NF1: variants seen among roughly 807,000 people sequenced by gnomAD.
The protein encoded by NF1 is neurofibromin 1.
A neutral mutation model predicts 325.7 loss-of-function variants in NF1; 122 were observed. The observed-to-expected ratio is 0.37, with a 90% CI of 0.32 to 0.44. The LOEUF is 0.44. Among genes scored for constraint, NF1 ranks in the 20% least tolerant of loss-of-function variants. The probability of loss-of-function intolerance (pLI) is 1.00; values close to 1 mark genes in which losing one functional copy is unlikely to be tolerated. For synonymous variants in NF1, 1,091 were observed against 1,186.0 expected (o/e 0.92, Z 1.65); for missense variants, 2,140 against 3,415.4 (o/e 0.63, Z 9.31).
chr17:31,257,546 C>T (rs1369796291), intron 31 of NF1: 2 of 151,934 alleles, frequency 1.3e-5, no homozygotes, highest in African/African-American at 2.4e-5. Flanking sequence ...GGAAAATCAT[C>T]CATTTTAAAT....
intron 36 of NF1, among the ~76,000 whole-genome samples, chr17:31,282,878 C>T (rs965209001): frequency 6.6e-6 from 1 of 152,062 alleles, no homozygotes; most frequent in African/African-American, 2.4e-5. Flanking sequence ...ACATTGCTAC[C>T]AGCAGTGAAT....
intron 35 of NF1, among the ~76,000 whole-genome samples, chr17:31,264,578 A>G (rs548965356): frequency 6.6e-6 from 1 of 152,296 alleles, no homozygotes; most frequent in East Asian, 1.9e-4. Context: ...CTAGAAACTG[A>G]GCTCAGTGAG....
At chr17:31,193,314 A>G (rs1226545238) in intron 8 of NF1, among the ~76,000 whole-genome samples, 2 of 152,158 alleles carry the variant, frequency 1.3e-5, no homozygotes, top group African/African-American at 4.8e-5. Context: ...TAACTGCTGT[A>G]TGGTGTTCCC....
At chr17:31,373,199 G>A (rs763240239) in intron 57 of NF1, among the ~76,000 whole-genome samples, 1 of 152,114 alleles carries the variant, frequency 6.6e-6, no homozygotes, top group African/African-American at 2.4e-5. Context: ...GTTTCTTTGG[G>A]ATAGGCACTG....
intron 11 of NF1, among the ~76,000 whole-genome samples, chr17:31,203,220 G>A (rs940193316): frequency 6.6e-6 from 1 of 152,098 alleles, no homozygotes; most frequent in Non-Finnish European, 1.5e-5. Context: ...GAAAGTGGCT[G>A]TGCATCCTCT....
rs878967255 is a variant in NF1 at position 31,095,073 on chromosome 17, C to T, written c.-237C>T. ...CGACCAAGAGGCCCCCTCCCCTCCC[C>T]GGGTCCCCTTCCCCTATCCCCCTCC... On this transcript the variant is annotated 5_prime_UTR_variant, in exon 1 of 58. Coordinates refer to ENST00000358273, the MANE Select transcript of NF1 (RefSeq NM_001042492.3). 2.1e-4 allele frequency: 93 copies of T among 452,892 alleles called. No individual in the cohort carries two copies. The highest frequency in any genetic ancestry group is 1.6e-3 in the South Asian group (32 of 20,142). The allele number at this position is 452,892 out of a possible 1,614,324, so 28.1% of individuals were successfully genotyped here.
rs587778551 is a variant in NF1, at chr17:31,232,800, G to A, written c.3415G>A (p.Ala1139Thr). ...GRKRGMSRRL[A>T]SLRHCTVLAM... is the part of the protein sequence containing the mutation. ...GAAACGTGGCATGTCTCGGAGGCTGGCATCACTGAGGCACTGTACGGTCCT... is the reference window on the plus strand; with the variant it reads ...GAAACGTGGCATGTCTCGGAGGCTGACATCACTGAGGCACTGTACGGTCCT... Residue 1139 changes from alanine (A) to threonine (T), a missense_variant, in exon 26 of 58, where the codon GCA (alanine) becomes ACA (threonine). Around this residue, in one of 10 missense-constraint regions of NF1, gnomAD observed 380 missense variants for 639.3 expected, o/e 0.59. Coordinates refer to ENST00000358273, the MANE Select transcript of NF1 (RefSeq NM_001042492.3). 2 of 1,614,064 alleles carry A rather than the reference G, an allele frequency of 1.2e-6. No individual in the cohort carries two copies. The highest frequency in any genetic ancestry group is 8.5e-7 in the Non-Finnish European group (1 of 1,180,012).
chr17:31,193,029 T>A lies in NF1; in HGVS notation c.889-7393T>A, dbSNP rs2066374167. 2.0e-5 allele frequency among the ~76,000 whole-genome samples: 3 copies of A among 152,180 alleles called. No individual in the cohort carries two copies. The South Asian group carries it at 6.2e-4, about 31-fold the overall frequency. On this transcript the variant is annotated intron_variant, in intron 8 of 57. Transcript: ENST00000358273. ...TTTTTTCTTTCCCAGGGACAGCCAC[T>A]GCAAAGGGTTAAATGTATATTCTTC... is the stretch of plus-strand genomic sequence containing the variant.
chr17:31,225,830 C>T (rs887271233), intron 17 of NF1, among the ~76,000 whole-genome samples: 4 of 152,250 alleles, frequency 2.6e-5, no homozygotes, highest in African/African-American at 9.6e-5. Flanking sequence ...AACACCTAAG[C>T]AGTATGATAT....
At chr17:31,285,007 T>C (rs1320402736) in intron 36 of NF1, among the ~76,000 whole-genome samples, 2 of 151,156 alleles carry the variant, frequency 1.3e-5, no homozygotes, top group Non-Finnish European at 2.9e-5. Flanking sequence ...TAATTCCAGC[T>C]ACTCAGGAGG....
chr17:31,145,340 G>A (rs1201745242), intron 1 of NF1, among the ~76,000 whole-genome samples: 1 of 152,130 alleles, frequency 6.6e-6, no homozygotes, highest in Non-Finnish European at 1.5e-5. Context: ...CTGCACGCAT[G>A]TACCACCATG....
In NF1 at chr17:31,328,532, G is replaced by A. The variant is rs556423325; in HGVS notation, c.5609+693G>A. Among the ~76,000 whole-genome samples, 5 of 152,264 alleles carry A rather than the reference G, an allele frequency of 3.3e-5. No homozygotes were observed. The South Asian group carries it at 1.0e-3, about 32-fold the overall frequency. On this transcript the variant is annotated intron_variant, in intron 38 of 57. Coordinates refer to ENST00000358273, the MANE Select transcript of NF1 (RefSeq NM_001042492.3). ...CCCACAAAAGCTTAAAAAATAGTAT[G>A]TGTAGTAGTATAGTATAGCAAACTA...
At chr17:31,108,264 T>TTTG (rs2143271924) in intron 1 of NF1, among the ~76,000 whole-genome samples, 1 of 9,992 alleles carries the variant, frequency 1.0e-4, no homozygotes, top group African/African-American at 5.0e-4. Flanking sequence ...AGTAGAGAGT[T>TTTG]TTTTTTTTTT....
chr17:31,278,677 C>T (rs529738470), intron 36 of NF1, among the ~76,000 whole-genome samples: 14 of 150,756 alleles, frequency 9.3e-5, no homozygotes, highest in Non-Finnish European at 1.8e-4. Flanking sequence ...TGCAGTGGCA[C>T]GATCTCAGCT....
rs2151431819 is a variant in NF1, at chr17:31,230,400, C to T, written c.3113+18C>T. 6.2e-7 allele frequency: 1 copy of T among 1,612,760 alleles called. No homozygotes were observed. The highest frequency in any genetic ancestry group is 8.5e-7 in the Non-Finnish European group (1 of 1,179,108). On this transcript the variant is annotated intron_variant, in intron 23 of 57. Transcript: ENST00000358273. The stretch of plus-strand genomic sequence containing the variant: ...AAATTTAGGTGAGTTCTCAAAAGAG[C>T]AATGTAGGGTCTTGTAAATCTTAAT...
At chr17:31,121,308 C>A (rs1261156019) in intron 1 of NF1, among the ~76,000 whole-genome samples, 1 of 151,866 alleles carries the variant, frequency 6.6e-6, no homozygotes, top group East Asian at 1.9e-4. Flanking sequence ...ACAAATACTT[C>A]TCTTCAAGAT....
In NF1 at chr17:31,184,634, C is replaced by T. The variant is rs552981345; in HGVS notation, c.888+1969C>T. ...CACTGCACTCCAGCCTGGGCGACAG[C>T]GAGACTCCGTCTCAAAAAAAAAAAA... On this transcript the variant is annotated intron_variant, in intron 8 of 57. Transcript: ENST00000358273. Among the ~76,000 whole-genome samples, 14 of 138,184 alleles carry T rather than the reference C, an allele frequency of 1.0e-4. No homozygotes were observed. In the East Asian group the frequency reaches 1.5e-3, roughly 14 times the overall value. The allele number at this position is 138,184 out of a possible 152,430, so 90.7% of individuals were successfully genotyped here.
At chr17:31,153,854 T>TC (rs1333483825) in intron 1 of NF1, among the ~76,000 whole-genome samples, 3 of 151,708 alleles carry the variant, frequency 2.0e-5, no homozygotes, top group African/African-American at 7.3e-5. Context: ...ACTCAAGCAG[T>TC]CCTCCTGCCT....
intron 1 of NF1, among the ~76,000 whole-genome samples, chr17:31,151,270 C>T (rs1597620419): frequency 6.6e-6 from 1 of 152,050 alleles, no homozygotes; most frequent in Admixed American, 6.6e-5. Context: ...GTGTGGCAGG[C>T]TATACTATCT....
Sources: allele counts gnomAD v4.1 joint callset (sites outside exome capture counted in the v4.1 genomes callset), GRCh38; gene constraint gnomAD v4.1.1; regional missense constraint gnomAD v4.1.1; transcripts MANE v1.5; gene names NCBI Gene and HGNC (gene_info 2026-07-23, HGNC 2026-07-21).